The following MCM9 variants were observed in gnomAD, a reference collection of about 807,000 sequenced individuals.
MCM9 encodes the protein DNA helicase MCM9.
MCM9 carries 55 observed loss-of-function variants against 72.8 expected under a neutral mutation model. That is an observed-to-expected ratio of 0.76 (90% confidence interval 0.61 to 0.95). The LOEUF (loss-of-function observed/expected upper bound fraction) is 0.95. Ranked by LOEUF, MCM9 falls within the 40% of genes least tolerant of loss-of-function variation. The pLI, the probability that MCM9 is intolerant of heterozygous loss-of-function variation, is 0.00. For missense variants in MCM9, 1,279 were observed against 1,377.0 expected (o/e 0.93, Z 1.13); for synonymous variants, 480 against 503.4 (o/e 0.95, Z 0.62).
At chr6:118,926,735 C>T (rs1781926708) in intron 3 of MCM9, among the ~76,000 whole-genome samples, 1 of 152,144 alleles carries the variant, frequency 6.6e-6, no homozygotes, top group East Asian at 1.9e-4. Context: ...AATGCAACTA[C>T]AAACATTTGT....
At position 118,816,295 on chromosome 6, in the gene MCM9, C is replaced by A; in HGVS notation, c.1962-1G>T. 6.6e-7 allele frequency: 1 copy of A among 1,509,976 alleles called. No individual in the cohort carries two copies. The highest frequency in any genetic ancestry group is 1.3e-5 in the South Asian group (1 of 78,126). 93.5% of individuals were successfully genotyped at this position (1,509,976 alleles called of 1,614,324 possible). ...TTGGTGCACACTCTGATTCTGTAAC[C>A]TGTAGCAAAGACAAATAAATAAAAC... On this transcript the variant is annotated splice_acceptor_variant, in intron 13 of 13. Coordinates refer to ENST00000619706, the MANE Select transcript of MCM9 (RefSeq NM_017696.3). LOFTEE classifies it high-confidence loss of function.
intron 7 of MCM9, chr6:118,912,273 C>T (rs1377620392): frequency 1.3e-5 from 2 of 152,142 alleles, no homozygotes; most frequent in African/African-American, 2.4e-5. Context: ...TATTTAAGCA[C>T]TTAGAAGTAT....
chr6:118,925,273 C>G (rs973229272), intron 3 of MCM9, among the ~76,000 whole-genome samples: 3 of 152,094 alleles, frequency 2.0e-5, no homozygotes, highest in African/African-American at 4.8e-5. Flanking sequence ...CTGTCTTGTC[C>G]TCAGTATTTA....
At chr6:118,845,222 T>C (rs1775776146) in intron 9 of MCM9, among the ~76,000 whole-genome samples, 1 of 151,896 alleles carries the variant, frequency 6.6e-6, no homozygotes, top group Non-Finnish European at 1.5e-5. Context: ...ACCTGAGTCA[T>C]AATAACGAAG....
intron 8 of MCM9, chr6:118,911,369 G>C: frequency 8.9e-7 from 1 of 1,124,664 alleles, no homozygotes; most frequent in Non-Finnish European, 1.1e-6. Flanking sequence ...TAAAATGCCA[G>C]ATGATACGGA....
intron 8 of MCM9, among the ~76,000 whole-genome samples, chr6:118,909,501 G>T (rs373048427): frequency 1.3e-5 from 2 of 151,840 alleles, no homozygotes; most frequent in East Asian, 3.9e-4. Flanking sequence ...TTTTCCACCC[G>T]GTCTAGCGTC....
rs571222069 is a variant in MCM9 at position 118,905,476 on chromosome 6, T to C, written c.1150+6174A>G. Among the ~76,000 whole-genome samples, 5 of 152,320 alleles carry C rather than the reference T, an allele frequency of 3.3e-5. No homozygotes were observed. In the South Asian group the frequency reaches 1.0e-3, roughly 32 times the overall value. ...ATATATTGTGGCAAAACATGAACTG[T>C]CTTTTCCAGCTTATTATAAGTCAGT... On this transcript the variant is annotated intron_variant, in intron 8 of 13. Coordinates refer to ENST00000619706, the MANE Select transcript of MCM9 (RefSeq NM_017696.3).
At chr6:118,843,835 C>T (rs1012028784) in intron 9 of MCM9, among the ~76,000 whole-genome samples, 2 of 150,254 alleles carry the variant, frequency 1.3e-5, no homozygotes, top group East Asian at 1.9e-4. Flanking sequence ...AACTGCTTCA[C>T]AAATCAGCCA....
At chr6:118,823,711 G>A (rs1267962259) in intron 13 of MCM9, among the ~76,000 whole-genome samples, 2 of 151,920 alleles carry the variant, frequency 1.3e-5, no homozygotes, top group Admixed American at 6.6e-5. Context: ...CCTCTTCTAC[G>A]TGCTTACTTT....
At chr6:118,871,027 A>G (rs946144217) in intron 8 of MCM9, among the ~76,000 whole-genome samples, 2 of 152,206 alleles carry the variant, frequency 1.3e-5, no homozygotes, top group Non-Finnish European at 2.9e-5. Context: ...AAACATATAA[A>G]GAAGAATTAA....
At chr6:118,821,069 CTT>C (rs1383556417) in intron 13 of MCM9, among the ~76,000 whole-genome samples, 2 of 152,096 alleles carry the variant, frequency 1.3e-5, no homozygotes, top group African/African-American at 4.8e-5. Flanking sequence ...GGTCTTGACT[CTT>C]TATCCAATTT....
intron 8 of MCM9, among the ~76,000 whole-genome samples, chr6:118,877,324 A>AGTACTTAG (rs1439180898): frequency 6.6e-6 from 1 of 152,256 alleles, no homozygotes; most frequent in Non-Finnish European, 1.5e-5. Flanking sequence ...TCTCTTACTC[A>AGTACTTAG]GTACTACATA....
chr6:118,925,097 AAG>A (rs1333345557), intron 3 of MCM9, among the ~76,000 whole-genome samples: 5 of 151,394 alleles, frequency 3.3e-5, no homozygotes, highest in South Asian at 4.2e-4. Context: ...GAAAGAGAAA[AAG>A]AGGGGGAAAA....
intron 3 of MCM9, among the ~76,000 whole-genome samples, chr6:118,927,474 G>A (rs1781992300): frequency 6.6e-6 from 1 of 151,962 alleles, no homozygotes; most frequent in Admixed American, 6.6e-5. Flanking sequence ...GTGTGGTGGT[G>A]CATGCCTGTA....
intron 9 of MCM9, among the ~76,000 whole-genome samples, chr6:118,840,577 A>T (rs1370116035): frequency 6.6e-6 from 1 of 152,134 alleles, no homozygotes; most frequent in Non-Finnish European, 1.5e-5. Flanking sequence ...ACTGTCTGAC[A>T]TTTCTATATT....
At chr6:118,928,479 C>T (rs181288548) in intron 3 of MCM9, among the ~76,000 whole-genome samples, 1 of 152,136 alleles carries the variant, frequency 6.6e-6, no homozygotes, top group Admixed American at 6.5e-5. Context: ...CACTTACTAG[C>T]TGTGTGACTT....
rs1554258631 is a variant in MCM9 at position 118,867,879 on chromosome 6, C to CTTTTTTTTTTTTTTTTTTTTTTTTTT, written c.1151-11335_1151-11334insAAAAAAAAAAAAAAAAAAAAAAAAAA. Among the ~76,000 whole-genome samples the CTTTTTTTTTTTTTTTTTTTTTTTTTT allele has an allele frequency of 2.2e-5, 3 of 137,486 alleles. 1 individual carries two copies. Among genetic ancestry groups the CTTTTTTTTTTTTTTTTTTTTTTTTTT allele is most frequent in the African/African-American group, 2.6e-5 (1 of 38,062 alleles). The allele number at this position is 137,486 out of a possible 152,430, so 90.2% of individuals were successfully genotyped here. ...TTAATTATATTTCTTTTTTCTTTTT[C>CTTTTTTTTTTTTTTTTTTTTTTTTTT]TTTTTCTTTTTTTTTGAGATGAAGT... On this transcript the variant is annotated intron_variant, in intron 8 of 13. Transcript: ENST00000619706.
chr6:118,910,217 GTTTTT>G (rs1252794286), intron 8 of MCM9, among the ~76,000 whole-genome samples: 2 of 150,188 alleles, frequency 1.3e-5, no homozygotes, highest in African/African-American at 4.9e-5. Flanking sequence ...CAGTATTTTG[GTTTTT>G]TTTTAATTGT....
chr6:118,833,211 C>T (rs1774711169), intron 9 of MCM9, among the ~76,000 whole-genome samples: 1 of 152,124 alleles, frequency 6.6e-6, no homozygotes, highest in Non-Finnish European at 1.5e-5. Flanking sequence ...TTCGGCAAAG[C>T]ATTGCAGGCA....
Sources: allele counts gnomAD v4.1 joint callset (sites outside exome capture counted in the v4.1 genomes callset), GRCh38; gene constraint gnomAD v4.1.1; transcripts MANE v1.5; gene names NCBI Gene and HGNC (gene_info 2026-07-23, HGNC 2026-07-21).